The following GTF2A1 variants were observed in gnomAD, a reference collection of about 807,000 sequenced individuals.
The protein encoded by GTF2A1 is general transcription factor IIA subunit 1.
A neutral mutation model predicts 54.1 loss-of-function variants in GTF2A1; 12 were observed. The ratio of observed to expected loss-of-function variants is 0.22; its 90% CI spans 0.14 to 0.36. GTF2A1 has a LOEUF of 0.36. Among genes scored for constraint, GTF2A1 ranks in the 10% least tolerant of loss-of-function variants. The pLI is 1.00. For synonymous variants in GTF2A1, 145 were observed against 152.0 expected (o/e 0.95, Z 0.34); for missense variants, 335 against 442.2 (o/e 0.76, Z 2.17).
chr14:81,189,467 C>T (rs991837160), intron 7 of GTF2A1, among the ~76,000 whole-genome samples: 4 of 152,126 alleles, frequency 2.6e-5, no homozygotes, highest in Non-Finnish European at 5.9e-5. Flanking sequence ...GTCAGGAGAT[C>T]AAGACCATCC....
rs1893171515 is a variant in GTF2A1 at position 81,203,940 on chromosome 14, TTGCTGAGGTACTGTC to T, written c.282_296del (p.Thr95_Gln99del). 3 of 1,614,120 alleles carry T rather than the reference TTGCTGAGGTACTGTC, an allele frequency of 1.9e-6. No individual in the cohort carries two copies. Among genetic ancestry groups the T allele is most frequent in the East Asian group, 4.5e-5 (2 of 44,886 alleles). On this transcript the variant is annotated inframe_deletion, in exon 3 of 9. Coordinates refer to ENST00000553612, the MANE Select transcript of GTF2A1 (RefSeq NM_015859.4). ...GAATAAGAACCTGCTGGGTCTGCGCTTGCTGAGGTACTGTCTGCTGAGGCTGAGCTTGCTGATGAT... is the reference window on the plus strand; with the variant it reads ...GAATAAGAACCTGCTGGGTCTGCGCTTGCTGAGGCTGAGCTTGCTGATGAT...
intron 7 of GTF2A1, 116 bp downstream of exon 7, chr14:81,192,403 T>C (rs533302817): frequency 4.5e-5 from 33 of 730,076 alleles, no homozygotes; most frequent in African/African-American, 5.3e-5. Flanking sequence ...TAAAATCTTA[T>C]GTTGTACAGC....
At chr14:81,180,847 T>C (rs970779723) in intron 8 of GTF2A1, among the ~76,000 whole-genome samples, 5 of 152,226 alleles carry the variant, frequency 3.3e-5, no homozygotes. Context: ...TCCACAAAGC[T>C]TTCCCAAATC....
Position 81,220,608 on chromosome 14 carries a change from G to A in GTF2A1, c.-90C>T, listed in dbSNP as rs1893612961. The A allele has an allele frequency of 3.7e-6, 4 of 1,095,296 alleles. No individual in the cohort carries two copies. Among genetic ancestry groups the A allele is most frequent in the South Asian group, 1.6e-5 (1 of 64,508 alleles). 67.8% of individuals were successfully genotyped at this position (1,095,296 alleles called of 1,614,324 possible). A position where few individuals can be genotyped will look rare whatever the true frequency, so the allele number is the denominator to read the frequency against. On this transcript the variant is annotated 5_prime_UTR_variant, in exon 1 of 9. Transcript: ENST00000553612. ...AAAAAAAAACTATAACACCCGGAGG[G>A]TGACCCAAATCACCGCAAGATTGGG...
intron 7 of GTF2A1, among the ~76,000 whole-genome samples, chr14:81,191,184 G>A (rs1350535300): frequency 6.6e-6 from 1 of 152,044 alleles, no homozygotes; most frequent in African/African-American, 2.4e-5. Flanking sequence ...AAATCAGGAA[G>A]CCTGACACTA....
chr14:81,221,160 C>T (rs1200655078), upstream of GTF2A1: 1 of 152,326 alleles, frequency 6.6e-6, no homozygotes, highest in Non-Finnish European at 1.5e-5. Flanking sequence ...CTCTCCAACG[C>T]TCGCGTGATC....
intron 1 of GTF2A1, among the ~76,000 whole-genome samples, chr14:81,219,282 C>T (rs972526366): frequency 1.2e-4 from 18 of 152,148 alleles, no homozygotes; most frequent in African/African-American, 4.3e-4. Context: ...GAAAAAAGGA[C>T]CTAGAAATAA....
chr14:81,211,164 G>C (rs1893355796), intron 2 of GTF2A1, among the ~76,000 whole-genome samples: 1 of 152,176 alleles, frequency 6.6e-6, no homozygotes, highest in Non-Finnish European at 1.5e-5. Flanking sequence ...ACAGAATAGG[G>C]ATATAACCCA....
chr14:81,193,052 A>G (rs542226485), intron 6 of GTF2A1, among the ~76,000 whole-genome samples: 1 of 152,322 alleles, frequency 6.6e-6, no homozygotes, highest in East Asian at 1.9e-4. Flanking sequence ...TTTTCTAAAG[A>G]TAACTGCTTC....
chr14:81,212,700 G>A (rs1231826652), intron 2 of GTF2A1, among the ~76,000 whole-genome samples: 6 of 152,186 alleles, frequency 3.9e-5, no homozygotes, highest in African/African-American at 9.7e-5. Context: ...ATTAAAGTTC[G>A]TTTTATTAAG....
At chr14:81,191,318 T>C (rs1415353066) in intron 7 of GTF2A1, among the ~76,000 whole-genome samples, 1 of 152,174 alleles carries the variant, frequency 6.6e-6, no homozygotes, top group Non-Finnish European at 1.5e-5. Context: ...CAATGTTCGG[T>C]ATAAAATTTA....
At chr14:81,182,100 T>TAA (rs200566518) in intron 8 of GTF2A1, among the ~76,000 whole-genome samples, 3 of 147,136 alleles carry the variant, frequency 2.0e-5, no homozygotes, top group Non-Finnish European at 3.0e-5. Context: ...TTTTGAGACT[T>TAA]AAAAAAAAAA....
At position 81,196,879 on chromosome 14, in the gene GTF2A1, C is replaced by A. The variant is rs180946613; in HGVS notation, c.478+530G>T. On this transcript the variant is annotated intron_variant, in intron 5 of 8. Coordinates refer to ENST00000553612, the MANE Select transcript of GTF2A1 (RefSeq NM_015859.4). ...TTTACAAATTAACAAAAATAACATACACAGAATAGAAAATAAATAATAACT... is the reference window on the plus strand; with the variant it reads ...TTTACAAATTAACAAAAATAACATAAACAGAATAGAAAATAAATAATAACT... Among the ~76,000 whole-genome samples the A allele has an allele frequency of 8.4e-3, 1,271 of 152,142 alleles. 33 individuals carry two copies. Among genetic ancestry groups the A allele is most frequent in the Admixed American group, 0.059 (906 of 15,268 alleles).
chr14:81,196,117 A>G lies in GTF2A1; in HGVS notation c.603T>C (p.Val201=), dbSNP rs1458088696. 6.2e-7 allele frequency: 1 copy of G among 1,613,598 alleles called. No homozygotes were observed. The highest frequency in any genetic ancestry group is 1.3e-5 in the African/African-American group (1 of 75,034). The change falls in exon 6 of 9, where the codon GTT becomes GTC. Residue 201 remains valine (V), a synonymous_variant. Transcript: ENST00000553612. ...TAGAAGATTATTTTACCTGCTGTAT[A>G]ACAGGAGCTTGTACTCCACCAGGCT... ...QMQPGGVQAP[V]IQQVLAPLPG... is the part of the protein sequence containing the mutation.
rs1283804846 is a variant in GTF2A1 at position 81,192,679 on chromosome 14, G to A, written c.773C>T (p.Pro258Leu). The A allele has an allele frequency of 7.4e-6, 12 of 1,614,006 alleles. No homozygotes were observed. The highest frequency in any genetic ancestry group is 3.3e-4 in the Middle Eastern group (2 of 6,084). ...AQITATGQQQPQAQPAQTQAP... is the reference protein window; with the variant it reads ...AQITATGQQQLQAQPAQTQAP... ...TTGTGTTTGAGCAGGCTGGGCCTGC[G>A]GTTGCTGCTGGCCAGTTGCAGTTAT... is the stretch of plus-strand genomic sequence containing the variant. Residue 258 changes from proline to leucine, a missense_variant, in exon 7 of 9, where the codon CCG becomes CTG. Pro to Leu is a moderately conservative substitution (Grantham distance 98). Transcript: ENST00000553612.
At chr14:81,216,623 T>C (rs779700539) in intron 1 of GTF2A1, 109 bp from the exon 2 acceptor site, 1 of 581,488 alleles carries the variant, frequency 1.7e-6, no homozygotes, top group South Asian at 2.3e-5. Context: ...ACTATCTATA[T>C]ATGACTTTAA....
At chr14:81,185,430 C>T (rs1892722937) in intron 8 of GTF2A1, 101 bp downstream of exon 8, 7 of 652,994 alleles carry the variant, frequency 1.1e-5, no homozygotes, top group Non-Finnish European at 1.9e-5. Context: ...ATTTAAGAGG[C>T]ATGAATCAGC....
intron 2 of GTF2A1, among the ~76,000 whole-genome samples, chr14:81,208,807 TG>T (rs1893299147): frequency 1.3e-5 from 2 of 152,266 alleles, no homozygotes; most frequent in African/African-American, 4.8e-5. Context: ...AACGTAAGAC[TG>T]CCCCACTGGA....
chr14:81,209,786 C>G (rs894937596), intron 2 of GTF2A1: 3 of 467,726 alleles, frequency 6.4e-6, no homozygotes, highest in Non-Finnish European at 1.1e-5. Flanking sequence ...CTATACAAGA[C>G]AAATGTCAAA....
Sources: allele counts gnomAD v4.1 joint callset (sites outside exome capture counted in the v4.1 genomes callset), GRCh38; gene constraint gnomAD v4.1.1; transcripts MANE v1.5; gene names NCBI Gene and HGNC (gene_info 2026-07-23, HGNC 2026-07-21).